Variants in PTPRG observed in about 807,000 individuals in gnomAD.
PTPRG encodes the protein receptor-type tyrosine-protein phosphatase gamma.
In PTPRG, 102 loss-of-function variants were observed where a neutral mutation model predicts 165.3. The observed-to-expected ratio is 0.62, with a 90% CI of 0.53 to 0.73. PTPRG has a LOEUF of 0.73. PTPRG is among the 30% of genes least tolerant of loss of function. The pLI is 0.00. For missense variants in PTPRG, 1,866 were observed against 1,861.4 expected, an observed-to-expected ratio of 1.00 and a Z score of -0.05; for synonymous variants, 675 against 669.5, an observed-to-expected ratio of 1.01 and a Z score of -0.13.
At chr3:61,852,278 C>T (rs1445407699) in intron 2 of PTPRG, among the ~76,000 whole-genome samples, 3 of 152,142 alleles carry the variant, frequency 2.0e-5, no homozygotes, top group Non-Finnish European at 2.9e-5. Context: ...TGGGGTCTGA[C>T]TTTCTCTTTT....
chr3:61,755,964 A>G (rs2033620876), intron 2 of PTPRG, among the ~76,000 whole-genome samples: 1 of 152,092 alleles, frequency 6.6e-6, no homozygotes, highest in African/African-American at 2.4e-5. Context: ...CAGGATGAAA[A>G]ATGATGGGGC....
intron 2 of PTPRG, among the ~76,000 whole-genome samples, chr3:61,844,094 G>A (rs1472856161): frequency 6.6e-6 from 1 of 151,702 alleles, no homozygotes; most frequent in Non-Finnish European, 1.5e-5. Flanking sequence ...CTCCCGAGTA[G>A]CTGGGATTAC....
At chr3:62,016,790 T>C (rs1197792965) in intron 4 of PTPRG, among the ~76,000 whole-genome samples, 1 of 152,174 alleles carries the variant, frequency 6.6e-6, no homozygotes, top group Non-Finnish European at 1.5e-5. Flanking sequence ...TGACCTGGCT[T>C]CTACTCTCCC....
intron 1 of PTPRG, among the ~76,000 whole-genome samples, chr3:61,692,910 T>A (rs1171958045): frequency 6.6e-6 from 1 of 152,202 alleles, no homozygotes. Flanking sequence ...TGACAAAAGT[T>A]GGCTACTTCT....
In PTPRG at chr3:62,222,117, A is replaced by C. The variant is rs1055286103; in HGVS notation, c.2288+3134A>C. 2.0e-5 allele frequency among the ~76,000 whole-genome samples: 3 copies of C among 152,258 alleles called. No homozygotes were observed. Among genetic ancestry groups the C allele is most frequent in the Non-Finnish European group, 4.4e-5 (3 of 68,034 alleles). ...CCTGCTATGGGCCAAATAGTTGGCA[A>C]TATCATCACCAGAACCCTTTTGTTG... On this transcript the variant is annotated intron_variant, in intron 13 of 29. Coordinates refer to ENST00000474889, the MANE Select transcript of PTPRG (RefSeq NM_002841.4). The surrounding 1 kb of genome is among the most constrained non-coding windows in gnomAD (Gnocchi z 4.5).
At chr3:61,946,254 C>G (rs1277330792) in intron 2 of PTPRG, among the ~76,000 whole-genome samples, 1 of 152,172 alleles carries the variant, frequency 6.6e-6, no homozygotes, top group African/African-American at 2.4e-5. Context: ...AATGTGTGAT[C>G]AAGTCTGTGC....
At position 62,222,766 on chromosome 3, in the gene PTPRG, C is replaced by T. The variant is rs932907368; in HGVS notation, c.2288+3783C>T. Reference sequence around the variant, plus strand: ...GCATGTGCACTGGAGCCATTTTCAGCTTCCTATTATTTATGCAATGCTTAC... The same window carrying T: ...GCATGTGCACTGGAGCCATTTTCAGTTTCCTATTATTTATGCAATGCTTAC... On this transcript the variant is annotated intron_variant, in intron 13 of 29. Transcript: ENST00000474889. This position sits in a 1 kb window ranked among gnomAD's most constrained non-coding sequence, Gnocchi z 4.5. 5.9e-5 allele frequency among the ~76,000 whole-genome samples: 9 copies of T among 152,178 alleles called. No individual in the cohort carries two copies. Among genetic ancestry groups the T allele is most frequent in the Admixed American group, 5.9e-4 (9 of 15,282 alleles).
chr3:61,659,272 A>T, intron 1 of PTPRG: 2 of 978,976 alleles, frequency 2.0e-6, no homozygotes, highest in Non-Finnish European at 2.4e-6. Flanking sequence ...TATACAATGT[A>T]TGTTTTCTTT....
Position 61,920,516 on chromosome 3 carries a change from C to T in PTPRG, c.191-69109C>T, listed in dbSNP as rs926705897. On this transcript the variant is annotated intron_variant, in intron 2 of 29. Transcript: ENST00000474889. The stretch of plus-strand genomic sequence containing the variant: ...GTTCAAGTAATTCTCCTGCCTCAGC[C>T]TCCTGAAGAGCTGGGACCATAGGCT... Among the ~76,000 whole-genome samples the T allele has an allele frequency of 1.5e-4, 23 of 152,304 alleles. 1 individual carries two copies. The highest frequency in any genetic ancestry group is 4.6e-4 in the Admixed American group (7 of 15,300).
At chr3:61,919,556 A>G (rs962879343) in intron 2 of PTPRG, among the ~76,000 whole-genome samples, 1 of 152,150 alleles carries the variant, frequency 6.6e-6, no homozygotes. Context: ...CACAGCTGTC[A>G]CAATCCAGTA....
At chr3:61,744,995 C>CA (rs1318590621) in intron 1 of PTPRG, among the ~76,000 whole-genome samples, 1 of 150,996 alleles carries the variant, frequency 6.6e-6, no homozygotes, top group Non-Finnish European at 1.5e-5. Flanking sequence ...TCACTACCCT[C>CA]TAGAACACAG....
At chr3:61,656,157 A>G (rs1702504586) in intron 1 of PTPRG, among the ~76,000 whole-genome samples, 1 of 152,040 alleles carries the variant, frequency 6.6e-6, no homozygotes, top group Non-Finnish European at 1.5e-5. Flanking sequence ...AGTTGAACCC[A>G]GGAGTTTGAA....
chr3:62,058,343 TTA>T (rs1700697256), intron 4 of PTPRG, among the ~76,000 whole-genome samples: 1 of 151,456 alleles, frequency 6.6e-6, no homozygotes, highest in Non-Finnish European at 1.5e-5. Flanking sequence ...ATTATTATTA[TTA>T]TTTTTTTTAG....
At chr3:61,968,637 G>T (rs1478166945) in intron 2 of PTPRG, among the ~76,000 whole-genome samples, 1 of 152,128 alleles carries the variant, frequency 6.6e-6, no homozygotes, top group Non-Finnish European at 1.5e-5. Context: ...ATTTGATATA[G>T]ATTTCAAACT....
intron 4 of PTPRG, among the ~76,000 whole-genome samples, chr3:62,074,787 G>A (rs1383181350): frequency 1.3e-5 from 2 of 152,152 alleles, no homozygotes; most frequent in Non-Finnish European, 2.9e-5. Flanking sequence ...AGCCCAGAAT[G>A]TTGAAGGGAG....
intron 1 of PTPRG, among the ~76,000 whole-genome samples, chr3:61,733,622 G>A (rs1213985313): frequency 2.6e-5 from 4 of 152,178 alleles, no homozygotes; most frequent in Non-Finnish European, 5.9e-5. Flanking sequence ...AGCAGAGCAG[G>A]ACAAATTTTA....
chr3:62,115,796 C>T (rs1267318689), intron 5 of PTPRG, among the ~76,000 whole-genome samples: 3 of 151,990 alleles, frequency 2.0e-5, no homozygotes, highest in African/African-American at 7.2e-5. Context: ...CTTGGCCTCC[C>T]AAAGTGCTAG....
intron 2 of PTPRG, among the ~76,000 whole-genome samples, chr3:61,827,479 T>C (rs568213460): frequency 1.3e-5 from 2 of 152,246 alleles, no homozygotes; most frequent in Admixed American, 1.3e-4. Context: ...GGATCCAAGG[T>C]CAGAAATCAT....
At chr3:62,143,672 A>G (rs953667803) in intron 6 of PTPRG, among the ~76,000 whole-genome samples, 7 of 152,032 alleles carry the variant, frequency 4.6e-5, no homozygotes, top group Middle Eastern at 3.4e-3. Flanking sequence ...AAAAGTCTCC[A>G]TTATGGAATA....
Sources: allele counts gnomAD v4.1 joint callset (sites outside exome capture counted in the v4.1 genomes callset), GRCh38; gene constraint gnomAD v4.1.1; non-coding constraint Gnocchi (gnomAD v3.1); transcripts MANE v1.5; gene names NCBI Gene and HGNC (gene_info 2026-07-23, HGNC 2026-07-21).